The following TYR variants were observed in gnomAD, a reference collection of about 807,000 sequenced individuals.
The protein encoded by TYR is LB24-AB.
Under a neutral mutation model 51.5 loss-of-function variants are expected in TYR, and 58 were observed. The observed-to-expected ratio is 1.13, with a 90% confidence interval of 0.91 to 1.40. TYR has a LOEUF of 1.40. Ranked by LOEUF, TYR falls within the 40% of genes most tolerant of loss-of-function variation. The pLI is 0.00. For synonymous variants in TYR, 263 were observed against 235.2 expected, an observed-to-expected ratio of 1.12 and a Z score of -1.08; for missense variants, 732 against 647.4, an observed-to-expected ratio of 1.13 and a Z score of -1.42.
chr11:89,259,877 C>T (rs546243963), intron 3 of TYR, among the ~76,000 whole-genome samples: 1 of 152,036 alleles, frequency 6.6e-6, no homozygotes, highest in South Asian at 2.1e-4. Context: ...AATAATGATT[C>T]CCTCTTATTT....
At chr11:89,254,261 A>C (rs1171652712) in intron 3 of TYR, among the ~76,000 whole-genome samples, 1 of 151,476 alleles carries the variant, frequency 6.6e-6, no homozygotes, top group South Asian at 2.1e-4. Flanking sequence ...ATCTATGTTC[A>C]CCAGGGATAT....
chr11:89,194,811 G>A (rs1281706625), intron 2 of TYR, among the ~76,000 whole-genome samples: 1 of 152,082 alleles, frequency 6.6e-6, no homozygotes, highest in African/African-American at 2.4e-5. Flanking sequence ...CCTTCAAGCT[G>A]GTTCTTATGT....
At chr11:89,193,861 G>A (rs573228778) in intron 2 of TYR, among the ~76,000 whole-genome samples, 2 of 121,838 alleles carry the variant, frequency 1.6e-5, no homozygotes, top group East Asian at 4.2e-4. Flanking sequence ...TACTTACATT[G>A]TATCCTGTTT....
At chr11:89,203,654 C>A (rs568373898) in intron 2 of TYR, among the ~76,000 whole-genome samples, 3 of 152,056 alleles carry the variant, frequency 2.0e-5, no homozygotes, top group African/African-American at 7.2e-5. Context: ...TGGGATCTCA[C>A]GGTATGATGG....
intron 2 of TYR, among the ~76,000 whole-genome samples, chr11:89,218,860 C>T (rs1250006507): frequency 2.0e-5 from 3 of 152,048 alleles, no homozygotes; most frequent in African/African-American, 7.2e-5. Flanking sequence ...CTCAAGTGTT[C>T]CAAATAGAAA....
At position 89,178,091 on chromosome 11, in the gene TYR, T is replaced by A. The variant is rs1565386338; in HGVS notation, c.138T>A (p.Cys46Ter). ...CPPWSGDRSP[C>*]GQLSGRGSCQ... ...CGTGGAGCGGGGACAGGAGTCCCTG[T>A]GGCCAGCTTTCAGGCAGAGGTTCCT... The change falls in exon 1 of 5, where the codon TGT (cysteine) becomes TGA (stop). Residue 46 changes from cysteine (C) to a stop codon, truncating the protein, a stop_gained. Coordinates refer to ENST00000263321, the MANE Select transcript of TYR (RefSeq NM_000372.5). LOFTEE classifies it high-confidence loss of function. 3.1e-6 allele frequency: 5 copies of A among 1,614,218 alleles called. No individual in the cohort carries two copies. The highest frequency in any genetic ancestry group is 3.4e-6 in the Non-Finnish European group (4 of 1,180,044).
intron 3 of TYR, among the ~76,000 whole-genome samples, chr11:89,256,606 T>A (rs892903453): frequency 9.2e-5 from 14 of 151,840 alleles, no homozygotes; most frequent in African/African-American, 3.4e-4. Context: ...TAAATAGATA[T>A]TTGAAAATTC....
chr11:89,273,846 C>T (rs1036936382), intron 3 of TYR, among the ~76,000 whole-genome samples: 1 of 151,744 alleles, frequency 6.6e-6, no homozygotes, highest in Non-Finnish European at 1.5e-5. Context: ...TTGTAAATGG[C>T]CATCTTTTTC....
intron 4 of TYR, among the ~76,000 whole-genome samples, chr11:89,291,014 T>G (rs1011219698): frequency 3.3e-5 from 5 of 152,012 alleles, no homozygotes; most frequent in African/African-American, 1.2e-4. Context: ...TATAGTTATA[T>G]TTACATAAAA....
chr11:89,271,907 C>A lies in TYR; in HGVS notation c.1185-12866C>A, dbSNP rs546384517. 2.6e-5 allele frequency among the ~76,000 whole-genome samples: 4 copies of A among 151,884 alleles called. No individual in the cohort carries two copies. In the East Asian group the frequency reaches 7.8e-4, roughly 30 times the overall value. On this transcript the variant is annotated intron_variant, in intron 3 of 4. Coordinates refer to ENST00000263321, the MANE Select transcript of TYR (RefSeq NM_000372.5). ...TCTTTGCTCATCCATAAGATGCAAC[C>A]CCTCATTCGTTCAAATTTTATTATG...
intron 2 of TYR, among the ~76,000 whole-genome samples, chr11:89,226,828 A>T (rs1053382575): frequency 4.6e-5 from 7 of 152,066 alleles, no homozygotes; most frequent in Non-Finnish European, 1.0e-4. Context: ...CTGAAATTTA[A>T]TAATATGCCC....
intron 2 of TYR, among the ~76,000 whole-genome samples, chr11:89,196,219 C>T (rs772138619): frequency 3.9e-5 from 6 of 152,008 alleles, no homozygotes; most frequent in Non-Finnish European, 8.8e-5. Flanking sequence ...ATTAGCTTAA[C>T]AAAGTAAGTT....
chr11:89,274,683 G>A (rs1944631439), intron 3 of TYR, among the ~76,000 whole-genome samples: 1 of 151,846 alleles, frequency 6.6e-6, no homozygotes, highest in Non-Finnish European at 1.5e-5. Flanking sequence ...TTCTTATGAG[G>A]AGGTTTTGTA....
At chr11:89,225,813 T>A (rs1943968892) in intron 2 of TYR, among the ~76,000 whole-genome samples, 1 of 151,956 alleles carries the variant, frequency 6.6e-6, no homozygotes, top group African/African-American at 2.4e-5. Context: ...AACAATTTAT[T>A]CTATTGTATA....
At chr11:89,249,115 C>T (rs754465104) in intron 3 of TYR, among the ~76,000 whole-genome samples, 4 of 151,846 alleles carry the variant, frequency 2.6e-5, no homozygotes, top group Admixed American at 6.6e-5. Context: ...AATAGATACC[C>T]GAAAGAGGCT....
At chr11:89,289,821 T>C (rs2135328106) in intron 4 of TYR, among the ~76,000 whole-genome samples, 1 of 152,068 alleles carries the variant, frequency 6.6e-6, no homozygotes, top group African/African-American at 2.4e-5. Context: ...CAGAAGAGAA[T>C]GGAGCTGAGT....
intron 3 of TYR, among the ~76,000 whole-genome samples, chr11:89,253,987 G>C (rs1944360106): frequency 6.6e-6 from 1 of 151,558 alleles, no homozygotes; most frequent in South Asian, 2.1e-4. Flanking sequence ...TTATTACATT[G>C]AGGTATGTCT....
intron 2 of TYR, among the ~76,000 whole-genome samples, chr11:89,194,241 A>G (rs1943486342): frequency 1.3e-5 from 2 of 151,834 alleles, no homozygotes; most frequent in African/African-American, 4.8e-5. Flanking sequence ...CTTCCTCCTC[A>G]TTTTTTTAAT....
At chr11:89,257,142 A>G (rs566346680) in intron 3 of TYR, among the ~76,000 whole-genome samples, 24 of 152,090 alleles carry the variant, frequency 1.6e-4, no homozygotes, top group African/African-American at 5.1e-4. Flanking sequence ...TGTAGTGTCT[A>G]TCAGGGGTTC....
Sources: allele counts gnomAD v4.1 joint callset (sites outside exome capture counted in the v4.1 genomes callset), GRCh38; gene constraint gnomAD v4.1.1; transcripts MANE v1.5; gene names NCBI Gene and HGNC (gene_info 2026-07-23, HGNC 2026-07-21).